Variants in CUL1 observed in about 807,000 individuals in gnomAD.
CUL1 encodes cullin-1.
CUL1 carries 24 observed loss-of-function variants against 118.0 expected under a neutral mutation model. The ratio of observed to expected loss-of-function variants is 0.20; its 90% confidence interval spans 0.15 to 0.29. CUL1 has a LOEUF of 0.29. Ranked by LOEUF, CUL1 falls within the 10% of genes least tolerant of loss-of-function variation. The pLI is 1.00. For missense variants in CUL1, 361 were observed against 933.8 expected, an observed-to-expected ratio of 0.39 and a Z score of 7.99; for synonymous variants, 332 against 340.4, an observed-to-expected ratio of 0.98 and a Z score of 0.27.
intron 16 of CUL1, among the ~76,000 whole-genome samples, chr7:148,791,679 G>A (rs1023581818): frequency 6.6e-6 from 1 of 152,258 alleles, no homozygotes; most frequent in African/African-American, 2.4e-5. Context: ...TGTTGTCTGT[G>A]GGCCGCCCTG....
chr7:148,784,605 G>A (rs1584815957), intron 11 of CUL1, among the ~76,000 whole-genome samples: 1 of 152,008 alleles, frequency 6.6e-6, no homozygotes, highest in South Asian at 2.1e-4. Flanking sequence ...GTGTGTTCTG[G>A]TTTTTCTCAG....
At chr7:148,719,716 A>C (rs950929097) in intron 1 of CUL1, among the ~76,000 whole-genome samples, 7 of 152,236 alleles carry the variant, frequency 4.6e-5, no homozygotes, top group Admixed American at 3.9e-4. Context: ...TGGACATGTA[A>C]ATATAAATAA....
intron 9 of CUL1, among the ~76,000 whole-genome samples, chr7:148,770,629 C>T (rs1185815937): frequency 6.6e-6 from 1 of 152,136 alleles, no homozygotes; most frequent in African/African-American, 2.4e-5. Context: ...GCATGGGTTC[C>T]TCGTGCCCTT....
In CUL1 at chr7:148,799,311, C is replaced by T. The variant is rs764964067; in HGVS notation, c.2173C>T (p.Leu725=). The T allele has an allele frequency of 6.2e-7, 1 of 1,614,158 alleles. No homozygotes were observed. The highest frequency in any genetic ancestry group is 1.7e-5 in the Admixed American group (1 of 60,020). Residue 725 remains leucine, a synonymous_variant, in exon 21 of 22, where the codon CTG becomes TTG. Transcript: ENST00000325222. The stretch of plus-strand genomic sequence containing the variant: ...GAGAATCATGAAGATGAGGAAGGTT[C>T]TGAAACACCAGCAGTTACTTGGCGA... The part of the protein sequence containing the change: ...IVRIMKMRKV[L]KHQQLLGEVL...
chr7:148,758,520 G>A (rs372930498), intron 4 of CUL1, among the ~76,000 whole-genome samples: 32 of 152,294 alleles, frequency 2.1e-4, no homozygotes, highest in African/African-American at 7.5e-4. Context: ...ATGAGGCTGA[G>A]GTGGAAGCAT....
chr7:148,734,036 A>AG (rs956625578), intron 2 of CUL1, among the ~76,000 whole-genome samples: 71 of 150,518 alleles, frequency 4.7e-4, no homozygotes, highest in African/African-American at 1.7e-3. Flanking sequence ...AGCCAAAAAA[A>AG]AAAAGAAAAG....
In CUL1 at chr7:148,800,835, C is replaced by T. The variant is rs1391262557; in HGVS notation, c.*253C>T. ...AACAGCGGGGACTGACCCTCCGTGC[C>T]GAGGGCTGCATGCTACCGCACTAAG... On this transcript the variant is annotated 3_prime_UTR_variant, in exon 22 of 22. Coordinates refer to ENST00000325222, the MANE Select transcript of CUL1 (RefSeq NM_003592.3). The surrounding 1 kb of genome is among the most constrained non-coding windows in gnomAD (Gnocchi z 4.6). The T allele has an allele frequency of 1.5e-5, 6 of 395,068 alleles. No homozygotes were observed. The highest frequency in any genetic ancestry group is 3.2e-5 in the South Asian group (1 of 31,504). The allele number at this position is 395,068 out of a possible 1,614,324, so 24.5% of individuals were successfully genotyped here.
At chr7:148,704,553 ATT>A (rs1797824675) in intron 1 of CUL1, among the ~76,000 whole-genome samples, 1 of 152,128 alleles carries the variant, frequency 6.6e-6, no homozygotes. Context: ...CCTCTTAAGC[ATT>A]TGTTTTCGTT....
At chr7:148,799,526 C>T (rs974474477) in intron 21 of CUL1, 138 bp downstream of exon 21, 19 of 622,940 alleles carry the variant, frequency 3.1e-5, no homozygotes, top group African/African-American at 1.1e-4. Flanking sequence ...AAAAGAAAGT[C>T]GGCTTCAGTT....
chr7:148,698,017 G>C (rs1425172835), upstream of CUL1: 1 of 152,208 alleles, frequency 6.6e-6, no homozygotes, highest in Non-Finnish European at 1.5e-5. Context: ...GTCAAAATTT[G>C]CCAAACAGGA....
At chr7:148,719,174 G>A (rs1224430123) in intron 1 of CUL1, among the ~76,000 whole-genome samples, 4 of 152,088 alleles carry the variant, frequency 2.6e-5, no homozygotes, top group African/African-American at 7.2e-5. Context: ...AGCCAGGCGC[G>A]GTGGCGGGCA....
intron 1 of CUL1, among the ~76,000 whole-genome samples, chr7:148,714,067 C>T (rs995925049): frequency 1.3e-5 from 2 of 152,182 alleles, no homozygotes; most frequent in African/African-American, 2.4e-5. Context: ...TTGATCACAA[C>T]GAGAAGCCTG....
intron 2 of CUL1, among the ~76,000 whole-genome samples, chr7:148,741,600 A>G (rs918471353): frequency 6.7e-6 from 1 of 149,270 alleles, no homozygotes; most frequent in Non-Finnish European, 1.5e-5. Flanking sequence ...CACCATGCCC[A>G]GCTAATTTTG....
At chr7:148,786,865 C>T (rs1252098544) in intron 12 of CUL1, 124 bp from the exon 13 acceptor site, 8 of 1,282,884 alleles carry the variant, frequency 6.2e-6, no homozygotes, top group African/African-American at 1.5e-5. Context: ...TAAACGTTGG[C>T]GTACAGACCT....
intron 1 of CUL1, among the ~76,000 whole-genome samples, chr7:148,717,744 TC>T (rs1385760600): frequency 7.2e-5 from 11 of 152,044 alleles, no homozygotes; most frequent in African/African-American, 2.4e-4. Flanking sequence ...GACATCAGCC[TC>T]CCTGTACCTC....
At chr7:148,784,321 C>T (rs1410655671) in intron 11 of CUL1, among the ~76,000 whole-genome samples, 2 of 152,170 alleles carry the variant, frequency 1.3e-5, no homozygotes, top group African/African-American at 4.8e-5. Context: ...AAGCACTAAC[C>T]AGGCCCCACC....
intron 9 of CUL1, among the ~76,000 whole-genome samples, chr7:148,768,092 T>C (rs1800065093): frequency 6.6e-6 from 1 of 152,182 alleles, no homozygotes; most frequent in South Asian, 2.1e-4. Context: ...GTCCACAGGT[T>C]GTGCCTTACA....
chr7:148,709,712 ATT>A (rs1375621338), intron 1 of CUL1, among the ~76,000 whole-genome samples: 4 of 152,206 alleles, frequency 2.6e-5, no homozygotes, highest in Non-Finnish European at 5.9e-5. Context: ...AGACTATGGT[ATT>A]GTCCCAGCCA....
intron 9 of CUL1, among the ~76,000 whole-genome samples, chr7:148,775,821 C>G (rs1800374890): frequency 6.8e-6 from 1 of 146,962 alleles, no homozygotes; most frequent in African/African-American, 2.5e-5. Flanking sequence ...TATATTCCTG[C>G]TAAAGAAAAC....
Sources: allele counts gnomAD v4.1 joint callset (sites outside exome capture counted in the v4.1 genomes callset), GRCh38; gene constraint gnomAD v4.1.1; non-coding constraint Gnocchi (gnomAD v3.1); transcripts MANE v1.5; gene names NCBI Gene and HGNC (gene_info 2026-07-23, HGNC 2026-07-21).